JAKMIP2: variants seen among roughly 807,000 people sequenced by gnomAD.
JAKMIP2 encodes the protein janus kinase and microtubule-interacting protein 2.
In JAKMIP2, 25 loss-of-function variants were observed where a neutral mutation model predicts 115.0. That is an observed-to-expected ratio of 0.22 (90% CI 0.16 to 0.30). The LOEUF (loss-of-function observed/expected upper bound fraction) is 0.30. Ranked by LOEUF, JAKMIP2 falls within the 10% of genes least tolerant of loss-of-function variation. The pLI is 1.00. For synonymous variants in JAKMIP2, 334 were observed against 343.6 expected (o/e 0.97, Z 0.31); for missense variants, 642 against 957.6 (o/e 0.67, Z 4.35).
intron 10 of JAKMIP2, among the ~76,000 whole-genome samples, chr5:147,638,179 C>A (rs753706081): frequency 2.0e-5 from 3 of 151,850 alleles, no homozygotes; most frequent in Admixed American, 6.6e-5. Flanking sequence ...AATTTCTAGT[C>A]TCTTTAAATT....
chr5:147,697,993 T>G (rs889366018), intron 1 of JAKMIP2, among the ~76,000 whole-genome samples: 3 of 152,144 alleles, frequency 2.0e-5, no homozygotes, highest in Non-Finnish European at 4.4e-5. Flanking sequence ...TTGCACTGTG[T>G]GCTTGGAAAA....
intron 1 of JAKMIP2, among the ~76,000 whole-genome samples, chr5:147,687,879 A>G (rs1760648300): frequency 6.6e-6 from 1 of 152,232 alleles, no homozygotes; most frequent in Non-Finnish European, 1.5e-5. Context: ...GCAGTTACAT[A>G]AAACACAAAA....
chr5:147,619,944 A>G (rs1464482063), intron 18 of JAKMIP2, among the ~76,000 whole-genome samples: 1 of 152,236 alleles, frequency 6.6e-6, no homozygotes, highest in Non-Finnish European at 1.5e-5. Flanking sequence ...ATGAATTAAA[A>G]ATATGCATAA....
chr5:147,724,892 G>T (rs192174927), intron 1 of JAKMIP2, among the ~76,000 whole-genome samples: 5 of 152,274 alleles, frequency 3.3e-5, no homozygotes, highest in Middle Eastern at 3.4e-3. Context: ...ACTCCATCTT[G>T]AATAGGAGCT....
intron 1 of JAKMIP2, 109 bp from the exon 2 acceptor site, chr5:147,672,063 T>TTA: frequency 1.2e-5 from 8 of 665,194 alleles, no homozygotes; most frequent in Non-Finnish European, 1.4e-5. Flanking sequence ...CCTGAGGCTC[T>TTA]CCTATCCTCA....
chr5:147,662,756 G>A (rs1487428264), intron 2 of JAKMIP2, among the ~76,000 whole-genome samples: 1 of 152,066 alleles, frequency 6.6e-6, no homozygotes, highest in Non-Finnish European at 1.5e-5. Context: ...AGGCCGAGGC[G>A]GATGGATCAC....
At chr5:147,726,725 C>G (rs1164418239) in intron 1 of JAKMIP2, among the ~76,000 whole-genome samples, 1 of 152,212 alleles carries the variant, frequency 6.6e-6, no homozygotes, top group African/African-American at 2.4e-5. Flanking sequence ...CTGCAGGTCC[C>G]TGAAACAAAC....
chr5:147,691,420 G>A (rs1368831020), intron 1 of JAKMIP2, among the ~76,000 whole-genome samples: 1 of 151,998 alleles, frequency 6.6e-6, no homozygotes, highest in Non-Finnish European at 1.5e-5. Context: ...AAAAGGCCAA[G>A]GATTTTTCAT....
chr5:147,724,027 A>G (rs1281576591), intron 1 of JAKMIP2, among the ~76,000 whole-genome samples: 1 of 152,236 alleles, frequency 6.6e-6, no homozygotes, highest in East Asian at 1.9e-4. Flanking sequence ...ATAAAGAGTA[A>G]TTCACTTAAC....
intron 3 of JAKMIP2, chr5:147,660,609 A>G: frequency 2.7e-6 from 1 of 365,196 alleles, no homozygotes; most frequent in Non-Finnish European, 5.4e-6. Context: ...TCCATGATTT[A>G]GAATATTTTT....
chr5:147,604,026 G>T (rs564446553), intron 20 of JAKMIP2, among the ~76,000 whole-genome samples: 1 of 152,244 alleles, frequency 6.6e-6, no homozygotes, highest in South Asian at 2.1e-4. Flanking sequence ...CAGCCCTAGG[G>T]TAGCTTATGA....
At chr5:147,707,444 G>C (rs1429105793) in intron 1 of JAKMIP2, among the ~76,000 whole-genome samples, 2 of 151,780 alleles carry the variant, frequency 1.3e-5, no homozygotes, top group Non-Finnish European at 1.5e-5. Flanking sequence ...ATCACTATGG[G>C]GAAAAATCCA....
chr5:147,715,312 T>G (rs376400682), intron 1 of JAKMIP2, among the ~76,000 whole-genome samples: 1 of 151,914 alleles, frequency 6.6e-6, no homozygotes, highest in Non-Finnish European at 1.5e-5. Context: ...ATATCAGTAA[T>G]TGTATTAAAT....
chr5:147,775,209 ACT>A (rs1755512267), intron 1 of JAKMIP2, among the ~76,000 whole-genome samples: 1 of 151,914 alleles, frequency 6.6e-6, no homozygotes, highest in Non-Finnish European at 1.5e-5. Flanking sequence ...TGTACAAGTC[ACT>A]CTTTTTATAT....
intron 1 of JAKMIP2, among the ~76,000 whole-genome samples, chr5:147,729,066 T>C (rs1365351199): frequency 1.3e-5 from 2 of 152,140 alleles, no homozygotes; most frequent in African/African-American, 2.4e-5. Flanking sequence ...AGAAACAGTT[T>C]TACATGCAAG....
Position 147,620,747 on chromosome 5 carries a change from TA to T in JAKMIP2, c.2065-5del. On this transcript the variant is annotated splice_polypyrimidine_tract_variant and splice_region_variant and intron_variant, in intron 17 of 21. Coordinates refer to ENST00000616793, the MANE Select transcript of JAKMIP2 (RefSeq NM_001270941.2). ...CTTTTATTTTGCAGAACTGTTCCTA[TA>T]ACAAAGGGCCATATTGATAGAGTCA... The T allele has an allele frequency of 1.2e-6, 2 of 1,609,290 alleles. No individual in the cohort carries two copies. The highest frequency in any genetic ancestry group is 1.7e-6 in the Non-Finnish European group (2 of 1,175,896).
rs904861509 is a variant in JAKMIP2, at chr5:147,755,478, T to C, written c.-149+26978A>G. Among the ~76,000 whole-genome samples the C allele has an allele frequency of 4.6e-5, 7 of 152,194 alleles. No homozygotes were observed. The South Asian group carries it at 1.2e-3, about 27-fold the overall frequency. On this transcript the variant is annotated intron_variant, in intron 1 of 21. Coordinates refer to ENST00000616793, the MANE Select transcript of JAKMIP2 (RefSeq NM_001270941.2). ...AAAATAAACTTTCTAAATTGATTGATGCCTGTCTCAGATACTTTTGCGTTC... is the reference window on the plus strand; with the variant it reads ...AAAATAAACTTTCTAAATTGATTGACGCCTGTCTCAGATACTTTTGCGTTC...
chr5:147,588,695 GA>G lies in JAKMIP2; in HGVS notation c.*3011del, dbSNP rs1754978461. On this transcript the variant is annotated 3_prime_UTR_variant, in exon 22 of 22. Coordinates refer to ENST00000616793, the MANE Select transcript of JAKMIP2 (RefSeq NM_001270941.2). ...TAATCTCCCAGATCTTAAGCAAAAA[GA>G]AAAAACAAGCAAACCTTTTGCCTGG... 6.6e-6 allele frequency: 1 copy of G among 152,094 alleles called. No individual in the cohort carries two copies. The allele number at this position is 152,094 out of a possible 1,614,324, so 9.4% of individuals were successfully genotyped here.
chr5:147,719,593 CA>C (rs1165991235), intron 1 of JAKMIP2, among the ~76,000 whole-genome samples: 1 of 152,062 alleles, frequency 6.6e-6, no homozygotes. Context: ...ATCCCTTTAC[CA>C]TTATGTAATG....
Sources: gnomAD v4.1 joint callset for allele counts (sites outside exome capture counted in the v4.1 genomes callset) on GRCh38, gnomAD v4.1.1 for gene constraint, MANE v1.5 for transcripts, NCBI Gene and HGNC (gene_info 2026-07-23, HGNC 2026-07-21) for gene names.